The following KIRREL3 variants were observed in gnomAD, a reference collection of about 807,000 sequenced individuals.
The protein encoded by KIRREL3 is kirre like nephrin family adhesion molecule 3.
KIRREL3 carries 36 observed loss-of-function variants against 89.7 expected under a neutral mutation model. The ratio of observed to expected loss-of-function variants is 0.40; its 90% CI spans 0.31 to 0.53. The LOEUF is 0.53. KIRREL3 is among the 20% of genes least tolerant of loss of function. The pLI, the probability that KIRREL3 is intolerant of heterozygous loss-of-function variation, is 0.49. For missense variants in KIRREL3, 864 were observed against 1,056.6 expected (o/e 0.82, Z 2.53); for synonymous variants, 445 against 441.4 (o/e 1.01, Z -0.10).
In KIRREL3 at chr11:126,599,106, G is replaced by A. The variant is rs191716638; in HGVS notation, c.56-36194C>T. ...CAGGCCTCACCCCTCCTTGCTGGGTGCAGAGACATCTGCTGTTTCAAGCTG... is the reference window on the plus strand; with the variant it reads ...CAGGCCTCACCCCTCCTTGCTGGGTACAGAGACATCTGCTGTTTCAAGCTG... On this transcript the variant is annotated intron_variant, in intron 1 of 16. Transcript: ENST00000525144. Among the ~76,000 whole-genome samples the A allele has an allele frequency of 7.2e-4, 110 of 152,316 alleles. 2 individuals carry two copies. The highest frequency in any genetic ancestry group is 2.2e-3 in the African/African-American group (92 of 41,576).
chr11:126,975,595 G>A (rs1057147410), intron 1 of KIRREL3, among the ~76,000 whole-genome samples: 5 of 152,056 alleles, frequency 3.3e-5, no homozygotes, highest in Admixed American at 2.6e-4. Context: ...ATATAACTGA[G>A]GACAGTTATA....
At chr11:126,950,393 A>C (rs1220879913) in intron 1 of KIRREL3, among the ~76,000 whole-genome samples, 2 of 151,726 alleles carry the variant, frequency 1.3e-5, no homozygotes, top group Non-Finnish European at 2.9e-5. Flanking sequence ...AAACAAACAA[A>C]CAAACAAAAC....
chr11:126,951,682 T>C (rs193276390), intron 1 of KIRREL3, among the ~76,000 whole-genome samples: 13 of 152,296 alleles, frequency 8.5e-5, no homozygotes, highest in Middle Eastern at 3.4e-3. Context: ...GAACTTCAAG[T>C]GTCAGGCATT....
At chr11:126,470,025 G>A (rs1400352934) in intron 5 of KIRREL3, among the ~76,000 whole-genome samples, 1 of 152,272 alleles carries the variant, frequency 6.6e-6, no homozygotes, top group Non-Finnish European at 1.5e-5. Flanking sequence ...AGGCCCAGGA[G>A]CATGGATCGG....
intron 1 of KIRREL3, among the ~76,000 whole-genome samples, chr11:126,731,275 C>G (rs560537344): frequency 6.6e-6 from 1 of 152,118 alleles, no homozygotes; most frequent in Admixed American, 6.5e-5. Context: ...GATAATCTGC[C>G]GTTCTCTGAG....
chr11:126,472,038 G>A (rs1565482004), intron 5 of KIRREL3, among the ~76,000 whole-genome samples: 1 of 152,130 alleles, frequency 6.6e-6, no homozygotes, highest in Non-Finnish European at 1.5e-5. Context: ...GAGCCTAAAC[G>A]GCTTCACCTG....
intron 12 of KIRREL3, among the ~76,000 whole-genome samples, chr11:126,435,861 C>T (rs926191656): frequency 1.3e-5 from 2 of 152,058 alleles, no homozygotes; most frequent in African/African-American, 4.8e-5. Context: ...TGTCAGAGAT[C>T]GTCAGGACTG....
At position 126,578,451 on chromosome 11, in the gene KIRREL3, C is replaced by G. The variant is rs568849747; in HGVS notation, c.56-15539G>C. ...GTGAACTTCCACATGAACGTGACTC[C>G]GTGCCTACCTGCTAATAAGAGCGGG... On this transcript the variant is annotated intron_variant, in intron 1 of 16. Coordinates refer to ENST00000525144, the MANE Select transcript of KIRREL3 (RefSeq NM_032531.4). This position sits in a 1 kb window ranked among gnomAD's most constrained non-coding sequence, Gnocchi z 4.9. Among the ~76,000 whole-genome samples, 1 of 152,330 alleles carries G rather than the reference C, an allele frequency of 6.6e-6. No individual in the cohort carries two copies. Among genetic ancestry groups the G allele is most frequent in the South Asian group, 2.1e-4 (1 of 4,828 alleles).
rs912274537 is a variant in KIRREL3, at chr11:126,614,080, G to A, written c.56-51168C>T. ...AACTGAATAGAGTTCTCCCTTTGTG[G>A]GTGGCATTTTGACATCACATTTTAA... On this transcript the variant is annotated intron_variant, in intron 1 of 16. Coordinates refer to ENST00000525144, the MANE Select transcript of KIRREL3 (RefSeq NM_032531.4). This position sits in a 1 kb window ranked among gnomAD's most constrained non-coding sequence, Gnocchi z 4.6. Among the ~76,000 whole-genome samples the A allele has an allele frequency of 6.6e-6, 1 of 151,888 alleles. No individual in the cohort carries two copies. Among genetic ancestry groups the A allele is most frequent in the Non-Finnish European group, 1.5e-5 (1 of 67,972 alleles).
chr11:126,833,600 G>A (rs1293353645), intron 1 of KIRREL3, among the ~76,000 whole-genome samples: 1 of 152,198 alleles, frequency 6.6e-6, no homozygotes, highest in Non-Finnish European at 1.5e-5. Flanking sequence ...ATGAAAATTG[G>A]AATTTCTTTA....
Position 126,990,375 on chromosome 11 carries a change from G to A in KIRREL3, c.55+10080C>T, listed in dbSNP as rs926477614. Among the ~76,000 whole-genome samples the A allele has an allele frequency of 2.6e-5, 4 of 152,134 alleles. No homozygotes were observed. The highest frequency in any genetic ancestry group is 9.7e-5 in the African/African-American group (4 of 41,436). On this transcript the variant is annotated intron_variant, in intron 1 of 16. Coordinates refer to ENST00000525144, the MANE Select transcript of KIRREL3 (RefSeq NM_032531.4). This position sits in a 1 kb window ranked among gnomAD's most constrained non-coding sequence, Gnocchi z 6.3. ...AGAGAGGAACCCGCCTCCTGCGAGAGCCGCCGCCATCTGTAACGTTGCCCT... is the reference window on the plus strand; with the variant it reads ...AGAGAGGAACCCGCCTCCTGCGAGAACCGCCGCCATCTGTAACGTTGCCCT...
chr11:126,502,524 ATTT>A (rs1293167575), intron 4 of KIRREL3, among the ~76,000 whole-genome samples: 2 of 152,232 alleles, frequency 1.3e-5, no homozygotes, highest in African/African-American at 2.4e-5. Flanking sequence ...TCTGCTATAG[ATTT>A]TTAAGACCAG....
rs1415653941 is a variant in KIRREL3, at chr11:126,996,208, C to A, written c.55+4247G>T. Among the ~76,000 whole-genome samples the A allele has an allele frequency of 6.6e-6, 1 of 152,218 alleles. No homozygotes were observed. The highest frequency in any genetic ancestry group is 1.5e-5 in the Non-Finnish European group (1 of 68,050). On this transcript the variant is annotated intron_variant, in intron 1 of 16. Coordinates refer to ENST00000525144, the MANE Select transcript of KIRREL3 (RefSeq NM_032531.4). The surrounding 1 kb of genome is among the most constrained non-coding windows in gnomAD (Gnocchi z 4.7). ...CACACCCTTGGCAGCTGTGTATTGACCTTCTGGCACAAAAGAACTGATTCT... is the reference window on the plus strand; with the variant it reads ...CACACCCTTGGCAGCTGTGTATTGAACTTCTGGCACAAAAGAACTGATTCT...
chr11:126,910,794 T>C (rs1784339), intron 1 of KIRREL3, among the ~76,000 whole-genome samples: 97,571 of 152,118 alleles, frequency 0.64, 32,807 homozygotes, highest in Middle Eastern at 0.85. Flanking sequence ...TAAACTCCCA[T>C]GTGTCAGGCT....
rs1326221915 is a variant in KIRREL3, at chr11:126,696,339, T to C, written c.56-133427A>G. 6.6e-6 allele frequency among the ~76,000 whole-genome samples: 1 copy of C among 151,812 alleles called. No homozygotes were observed. Among genetic ancestry groups the C allele is most frequent in the Non-Finnish European group, 1.5e-5 (1 of 67,962 alleles). On this transcript the variant is annotated intron_variant, in intron 1 of 16. Transcript: ENST00000525144. The surrounding 1 kb of genome is among the most constrained non-coding windows in gnomAD (Gnocchi z 4.4). ...CCCTTCTCCCTTTCTTTGACCCTTC[T>C]CCTCCTTGGTTGCCTTGTGTGGTTG...
At chr11:126,866,863 T>C (rs559147692) in intron 1 of KIRREL3, among the ~76,000 whole-genome samples, 2 of 152,102 alleles carry the variant, frequency 1.3e-5, no homozygotes, top group Non-Finnish European at 2.9e-5. Context: ...ATTCCCCTTG[T>C]GGCCTCCGCA....
chr11:126,934,185 T>A (rs1447800944), intron 1 of KIRREL3, among the ~76,000 whole-genome samples: 1 of 152,178 alleles, frequency 6.6e-6, no homozygotes, highest in Non-Finnish European at 1.5e-5. Flanking sequence ...GGGATTTTTT[T>A]AAAGAAGGTA....
chr11:126,449,659 A>C (rs1268846866), intron 7 of KIRREL3, among the ~76,000 whole-genome samples: 3 of 152,240 alleles, frequency 2.0e-5, no homozygotes, highest in Non-Finnish European at 4.4e-5. Context: ...TGACAAGGCG[A>C]GAAGCTGTAG....
chr11:126,682,758 C>T lies in KIRREL3; in HGVS notation c.56-119846G>A, dbSNP rs936714616. Among the ~76,000 whole-genome samples, 6 of 152,156 alleles carry T rather than the reference C, an allele frequency of 3.9e-5. No homozygotes were observed. The highest frequency in any genetic ancestry group is 1.3e-4 in the Admixed American group (2 of 15,274). ...GTGCTCCTAGGAGAATCTAACGCCT[C>T]TGCTGATCTGACAGGAGGCAGAGTT... On this transcript the variant is annotated intron_variant, in intron 1 of 16. Transcript: ENST00000525144. This position sits in a 1 kb window ranked among gnomAD's most constrained non-coding sequence, Gnocchi z 4.8.
Sources: gnomAD v4.1 joint callset for allele counts (sites outside exome capture counted in the v4.1 genomes callset) on GRCh38, gnomAD v4.1.1 for gene constraint, Gnocchi (gnomAD v3.1) non-coding constraint, MANE v1.5 for transcripts, NCBI Gene and HGNC (gene_info 2026-07-23, HGNC 2026-07-21) for gene names.